Variants in LDLRAD3 observed in about 807,000 individuals in gnomAD.
LDLRAD3 encodes low density lipoprotein receptor class A domain containing 3.
In LDLRAD3, 20 loss-of-function variants were observed where a neutral mutation model predicts 29.4. The observed-to-expected ratio is 0.68, with a 90% confidence interval of 0.48 to 0.99. The LOEUF (loss-of-function observed/expected upper bound fraction) is 0.99, where lower values mean the gene tolerates loss of function less well. Among genes scored for constraint, LDLRAD3 ranks in the 50% least tolerant of loss-of-function variants. The pLI is 0.00. For synonymous variants in LDLRAD3, 157 were observed against 192.7 expected, an observed-to-expected ratio of 0.81 and a Z score of 1.53; for missense variants, 420 against 454.3, an observed-to-expected ratio of 0.92 and a Z score of 0.69.
intron 1 of LDLRAD3, chr11:35,967,914 A>G: frequency 2.5e-6 from 1 of 392,220 alleles, no homozygotes; most frequent in Non-Finnish European, 5.0e-6. Context: ...CAAACACTGT[A>G]TGAGCATAAA....
chr11:36,148,404 G>C (rs556993771), intron 4 of LDLRAD3, among the ~76,000 whole-genome samples: 11 of 152,154 alleles, frequency 7.2e-5, no homozygotes, highest in African/African-American at 2.6e-4. Flanking sequence ...TGACTGTAGG[G>C]GCATCTCGGT....
At chr11:36,065,785 T>A (rs1317035297) in intron 2 of LDLRAD3, among the ~76,000 whole-genome samples, 1 of 152,172 alleles carries the variant, frequency 6.6e-6, no homozygotes, top group African/African-American at 2.4e-5. Flanking sequence ...GGCCTTTATA[T>A]CTGCCCTTTG....
chr11:35,983,220 T>C (rs1259056316), intron 1 of LDLRAD3, among the ~76,000 whole-genome samples: 1 of 152,202 alleles, frequency 6.6e-6, no homozygotes, highest in Non-Finnish European at 1.5e-5. Flanking sequence ...CCTTATTTCC[T>C]TACCTCCGTC....
Position 36,153,532 on chromosome 11 carries a change from A to G in LDLRAD3, c.454+55071A>G, listed in dbSNP as rs147395102. ...TTAGGACATTGAGGCTTGTCTCTGGATTACCTTGGTTGATCTATTTCTGGA... is the reference window on the plus strand; with the variant it reads ...TTAGGACATTGAGGCTTGTCTCTGGGTTACCTTGGTTGATCTATTTCTGGA... On this transcript the variant is annotated intron_variant, in intron 4 of 5. Transcript: ENST00000315571. Among the ~76,000 whole-genome samples, 11 of 152,130 alleles carry G rather than the reference A, an allele frequency of 7.2e-5. No individual in the cohort carries two copies. The East Asian group carries it at 2.1e-3, about 29-fold the overall frequency.
At chr11:36,151,464 G>A (rs1299713347) in intron 4 of LDLRAD3, among the ~76,000 whole-genome samples, 1 of 152,138 alleles carries the variant, frequency 6.6e-6, no homozygotes, top group East Asian at 1.9e-4. Flanking sequence ...ATTTTACGAA[G>A]AAGGAAACTA....
At chr11:36,211,891 C>T (rs996579364) in intron 4 of LDLRAD3, among the ~76,000 whole-genome samples, 1 of 152,178 alleles carries the variant, frequency 6.6e-6, no homozygotes, top group Non-Finnish European at 1.5e-5. Flanking sequence ...TAGCAGTATT[C>T]GCTCTGGCTG....
chr11:36,124,857 A>T (rs1350233110), intron 4 of LDLRAD3, among the ~76,000 whole-genome samples: 1 of 151,768 alleles, frequency 6.6e-6, no homozygotes, highest in Non-Finnish European at 1.5e-5. Context: ...ATGCCCAGCT[A>T]ATTTTGGTAT....
intron 1 of LDLRAD3, among the ~76,000 whole-genome samples, chr11:35,992,893 A>T (rs1409651053): frequency 1.3e-5 from 2 of 152,246 alleles, no homozygotes. Flanking sequence ...GATCACATTT[A>T]CATTGCAAAC....
intron 1 of LDLRAD3, among the ~76,000 whole-genome samples, chr11:36,027,617 T>C (rs1302967607): frequency 6.6e-6 from 1 of 152,262 alleles, no homozygotes; most frequent in Non-Finnish European, 1.5e-5. Flanking sequence ...TCTGGCCTTA[T>C]TGCTTAGTTG....
intron 4 of LDLRAD3, among the ~76,000 whole-genome samples, chr11:36,182,048 CCTCT>C (rs1854772666): frequency 6.6e-6 from 1 of 152,184 alleles, no homozygotes; most frequent in South Asian, 2.1e-4. Flanking sequence ...GCCTTCCCTC[CCTCT>C]CTGACTTTGG....
chr11:36,215,868 G>T (rs115604020), intron 4 of LDLRAD3, among the ~76,000 whole-genome samples: 24 of 152,320 alleles, frequency 1.6e-4, no homozygotes, highest in African/African-American at 5.8e-4. Flanking sequence ...TTCACAGGCA[G>T]GAGTAGCACC....
chr11:35,957,762 C>T (rs1038015484), intron 1 of LDLRAD3, among the ~76,000 whole-genome samples: 2 of 140,738 alleles, frequency 1.4e-5, no homozygotes, highest in African/African-American at 2.7e-5. Context: ...TGCCATTGCG[C>T]TCCAGCCTGG....
intron 1 of LDLRAD3, among the ~76,000 whole-genome samples, chr11:35,989,397 T>G (rs1202821510): frequency 6.6e-6 from 1 of 152,236 alleles, no homozygotes; most frequent in Non-Finnish European, 1.5e-5. Context: ...TACTTTTCTC[T>G]AATTCTGTGG....
chr11:35,991,764 G>A (rs1466102641), intron 1 of LDLRAD3, among the ~76,000 whole-genome samples: 1 of 152,144 alleles, frequency 6.6e-6, no homozygotes, highest in Non-Finnish European at 1.5e-5. Flanking sequence ...CTGGTGGAGG[G>A]AGCTGCTTTT....
chr11:36,172,976 A>G (rs1167831269), intron 4 of LDLRAD3, among the ~76,000 whole-genome samples: 2 of 152,154 alleles, frequency 1.3e-5, no homozygotes, highest in East Asian at 1.9e-4. Context: ...TTGGTTGGCA[A>G]TTTTTTAATT....
chr11:36,050,998 T>C (rs1324525530), intron 2 of LDLRAD3, among the ~76,000 whole-genome samples: 2 of 152,120 alleles, frequency 1.3e-5, no homozygotes, highest in Non-Finnish European at 2.9e-5. Flanking sequence ...TAATGAGGGC[T>C]CCACCCTCAT....
chr11:36,054,628 A>G (rs915687328), intron 2 of LDLRAD3, among the ~76,000 whole-genome samples: 1 of 152,258 alleles, frequency 6.6e-6, no homozygotes, highest in African/African-American at 2.4e-5. Context: ...GAATTGTAAA[A>G]CATCAACAGA....
intron 4 of LDLRAD3, among the ~76,000 whole-genome samples, chr11:36,126,516 C>T (rs1031113219): frequency 6.6e-5 from 10 of 152,190 alleles, no homozygotes; most frequent in South Asian, 4.1e-4. Flanking sequence ...GATTGGCCTT[C>T]GGTGTGGTCA....
At chr11:36,040,907 TTATC>T (rs1852373239) in intron 2 of LDLRAD3, among the ~76,000 whole-genome samples, 1 of 152,206 alleles carries the variant, frequency 6.6e-6, no homozygotes, top group South Asian at 2.1e-4. Flanking sequence ...TTAAAAAAAA[TTATC>T]TAGCTAGATT....
Sources: gnomAD v4.1 joint callset for allele counts (sites outside exome capture counted in the v4.1 genomes callset) on GRCh38, gnomAD v4.1.1 for gene constraint, MANE v1.5 for transcripts, NCBI Gene and HGNC (gene_info 2026-07-23, HGNC 2026-07-21) for gene names.